CCDC149: variants seen among roughly 807,000 people sequenced by gnomAD.
CCDC149 encodes coiled-coil domain-containing protein 149.
CCDC149 carries 45 observed loss-of-function variants against 59.9 expected under a neutral mutation model. The ratio of observed to expected loss-of-function variants is 0.75; its 90% CI spans 0.59 to 0.96. The LOEUF (loss-of-function observed/expected upper bound fraction) is 0.96. CCDC149 is among the 40% of genes least tolerant of loss of function. The pLI is 0.00. For missense variants in CCDC149, 584 were observed against 664.7 expected (o/e 0.88, Z 1.33); for synonymous variants, 245 against 260.6 (o/e 0.94, Z 0.58).
upstream of CCDC149, among the ~76,000 whole-genome samples, chr4:24,916,787 G>GGTGTGTGTGTGT (rs55857592): frequency 0.024 from 3,378 of 141,944 alleles, 55 homozygotes; most frequent in Middle Eastern, 0.056. Context: ...GGTTTATAAT[G>GGTGTGTGTGTGT]GTGTGTGTGT....
intron 1 of CCDC149, among the ~76,000 whole-genome samples, chr4:24,908,444 T>C (rs1204191529): frequency 6.7e-6 from 1 of 148,410 alleles, no homozygotes; most frequent in Non-Finnish European, 1.5e-5. Flanking sequence ...ATGCCTATAA[T>C]CCCATCACTT....
At chr4:24,906,938 A>G (rs11943630) in intron 1 of CCDC149, among the ~76,000 whole-genome samples, 195 of 152,234 alleles carry the variant, frequency 1.3e-3, no homozygotes, top group African/African-American at 4.5e-3. Flanking sequence ...GGGTAGACAA[A>G]AACAGCCCAC....
In CCDC149 at chr4:24,898,031, G is replaced by T. The variant is rs1248464378; in HGVS notation, c.63+14786C>A. 2.0e-5 allele frequency among the ~76,000 whole-genome samples: 3 copies of T among 152,190 alleles called. No individual in the cohort carries two copies. The East Asian group carries it at 5.8e-4, about 29-fold the overall frequency. On this transcript the variant is annotated intron_variant, in intron 1 of 12. Coordinates refer to ENST00000635206, the MANE Select transcript of CCDC149 (RefSeq NM_001330643.2). Reference sequence around the variant, plus strand: ...TGCCACCTCCAATACTGCCTTGGTCGTGGGGTCTGCAGATGGCAGAGCAAG... The same window carrying T: ...TGCCACCTCCAATACTGCCTTGGTCTTGGGGTCTGCAGATGGCAGAGCAAG...
chr4:24,878,598 G>T (rs918229888), intron 1 of CCDC149, among the ~76,000 whole-genome samples: 1 of 152,136 alleles, frequency 6.6e-6, no homozygotes, highest in Non-Finnish European at 1.5e-5. Flanking sequence ...TTCTTTTCCC[G>T]TAATCAGCAC....
intron 10 of CCDC149, among the ~76,000 whole-genome samples, chr4:24,822,112 G>C (rs1177902783): frequency 6.6e-6 from 1 of 151,990 alleles, no homozygotes; most frequent in Non-Finnish European, 1.5e-5. Flanking sequence ...TTAACTTTTA[G>C]GGCTGATAAT....
chr4:24,814,430 G>T (rs1484677903), intron 12 of CCDC149, among the ~76,000 whole-genome samples: 3 of 152,088 alleles, frequency 2.0e-5, no homozygotes, highest in African/African-American at 7.2e-5. Flanking sequence ...TTTCTAATAG[G>T]TTCCTTTGAT....
intron 1 of CCDC149, among the ~76,000 whole-genome samples, chr4:24,975,539 G>A (rs1030020714): frequency 3.5e-5 from 5 of 141,306 alleles, no homozygotes; most frequent in Admixed American, 1.4e-4. Flanking sequence ...GGAAGGGAAG[G>A]AGAGAAAAGA....
At chr4:24,960,990 A>G (rs555791378) in intron 1 of CCDC149, among the ~76,000 whole-genome samples, 156 of 152,352 alleles carry the variant, frequency 1.0e-3, no homozygotes, top group South Asian at 2.1e-3. Context: ...TTCAGTGCTA[A>G]AACCAAAAGA....
At chr4:24,825,807 T>C (rs1250761233) in intron 9 of CCDC149, among the ~76,000 whole-genome samples, 1 of 150,272 alleles carries the variant, frequency 6.7e-6, no homozygotes, top group African/African-American at 2.4e-5. Context: ...TTATTAAAAC[T>C]GTAGAGCAGA....
chr4:24,816,777 G>T (rs1715038725), intron 12 of CCDC149, among the ~76,000 whole-genome samples: 1 of 152,012 alleles, frequency 6.6e-6, no homozygotes, highest in African/African-American at 2.4e-5. Context: ...AGTGTGGAAA[G>T]AAAAAAATAT....
At chr4:24,968,324 G>A (rs1203652053) in intron 1 of CCDC149, among the ~76,000 whole-genome samples, 1 of 152,238 alleles carries the variant, frequency 6.6e-6, no homozygotes, top group African/African-American at 2.4e-5. Flanking sequence ...TTGTGAGAGT[G>A]TGACAGGATG....
chr4:24,875,213 C>A (rs1374778975), intron 2 of CCDC149, among the ~76,000 whole-genome samples: 1 of 151,998 alleles, frequency 6.6e-6, no homozygotes, highest in African/African-American at 2.4e-5. Context: ...GCCTGTAGTC[C>A]CAGCTACTCG....
At chr4:24,888,166 T>C (rs1328508420) in intron 1 of CCDC149, among the ~76,000 whole-genome samples, 1 of 152,144 alleles carries the variant, frequency 6.6e-6, no homozygotes, top group Non-Finnish European at 1.5e-5. Context: ...GGGCCCATCT[T>C]ATTCATCTTT....
intron 7 of CCDC149, among the ~76,000 whole-genome samples, chr4:24,835,324 G>A (rs1467403932): frequency 2.0e-5 from 3 of 152,178 alleles, no homozygotes; most frequent in Non-Finnish European, 4.4e-5. Context: ...TCTGAAACAA[G>A]AATGCAGCCT....
Position 24,836,495 on chromosome 4 carries a change from T to A in CCDC149, c.676A>T (p.Arg226Ter). 1 of 1,609,880 alleles carries A rather than the reference T, an allele frequency of 6.2e-7. No individual in the cohort carries two copies. The change falls in exon 7 of 13, where the codon AGA becomes TGA. Residue 226 changes from arginine to a stop codon, truncating the protein, a stop_gained. Transcript: ENST00000635206. LOFTEE classifies it high-confidence loss of function. ...ACCTCTTCATGGAGTTGCTTTAATC[T>A]CTCTTGAAGGTACCTGAAAAAGAAT...
At position 24,890,850 on chromosome 4, in the gene CCDC149, T is replaced by C. The variant is rs111678990; in HGVS notation, c.64-14153A>G. ...TCTTGAAATCAGCCGTGCAAATCCA[T>C]TACTACTTTAATTATCCAAGTAAAT... On this transcript the variant is annotated intron_variant, in intron 1 of 12. Coordinates refer to ENST00000635206, the MANE Select transcript of CCDC149 (RefSeq NM_001330643.2). 6.9e-3 allele frequency among the ~76,000 whole-genome samples: 1,045 copies of C among 152,332 alleles called. 20 individuals carry two copies. Among genetic ancestry groups the C allele is most frequent in the African/African-American group, 0.024 (991 of 41,570 alleles).
chr4:24,913,586 A>C (rs1466606910), upstream of CCDC149, among the ~76,000 whole-genome samples: 1 of 152,256 alleles, frequency 6.6e-6, no homozygotes, highest in Non-Finnish European at 1.5e-5. Flanking sequence ...GCATTATTCA[A>C]TTCTAAATAG....
intron 3 of CCDC149, among the ~76,000 whole-genome samples, chr4:24,860,411 A>T (rs1347773156): frequency 1.3e-5 from 2 of 152,204 alleles, no homozygotes; most frequent in Non-Finnish European, 2.9e-5. Context: ...ATGAAATTGG[A>T]TCCTCATCTC....
chr4:24,842,701 G>C (rs754325579), intron 4 of CCDC149, among the ~76,000 whole-genome samples: 2 of 152,170 alleles, frequency 1.3e-5, no homozygotes, highest in Non-Finnish European at 2.9e-5. Flanking sequence ...AACGGCTTCT[G>C]GGTGTCCTGC....
Sources: gnomAD v4.1 joint callset for allele counts (sites outside exome capture counted in the v4.1 genomes callset) on GRCh38, gnomAD v4.1.1 for gene constraint, MANE v1.5 for transcripts, NCBI Gene and HGNC (gene_info 2026-07-23, HGNC 2026-07-21) for gene names.